The following ATXN10 variants were observed in gnomAD, a reference collection of about 807,000 sequenced individuals.
The protein encoded by ATXN10 is ataxin 10.
Under a neutral mutation model 52.9 loss-of-function variants are expected in ATXN10, and 28 were observed. The observed-to-expected ratio is 0.53, with a 90% CI of 0.39 to 0.73. The LOEUF is 0.73. ATXN10 is among the 30% of genes least tolerant of loss of function. The pLI is 0.00. For missense variants in ATXN10, 565 were observed against 577.0 expected (o/e 0.98, Z 0.21); for synonymous variants, 226 against 221.5 (o/e 1.02, Z -0.18).
At position 45,826,378 on chromosome 22, in the gene ATXN10, ATC is replaced by A. The variant is rs1363343088; in HGVS notation, c.1238-16611_1238-16610del. On this transcript the variant is annotated intron_variant, in intron 10 of 11. Coordinates refer to ENST00000252934, the MANE Select transcript of ATXN10 (RefSeq NM_013236.4). This position sits in a 1 kb window ranked among gnomAD's most constrained non-coding sequence, Gnocchi z 5.0. Reference sequence around the variant, plus strand: ...AAAAAGAGAAAAGGGCAGAGAGAATATCTGAAGAAATAAGGACTGAAAATTTT... The same window carrying A: ...AAAAAGAGAAAAGGGCAGAGAGAATATGAAGAAATAAGGACTGAAAATTTT... 6.6e-6 allele frequency among the ~76,000 whole-genome samples: 1 copy of A among 152,232 alleles called. No individual in the cohort carries two copies. Among genetic ancestry groups the A allele is most frequent in the Non-Finnish European group, 1.5e-5 (1 of 68,040 alleles).
At chr22:45,791,829 T>C (rs1927523108) in intron 9 of ATXN10, among the ~76,000 whole-genome samples, 1 of 152,226 alleles carries the variant, frequency 6.6e-6, no homozygotes, top group South Asian at 2.1e-4. Context: ...ATTTTTCTGT[T>C]GTTTTGGAAC....
chr22:45,816,607 A>G lies in ATXN10; in HGVS notation c.1237+9585A>G, dbSNP rs563142801. Among the ~76,000 whole-genome samples the G allele has an allele frequency of 4.4e-4, 67 of 152,306 alleles. No homozygotes were observed. The highest frequency in any genetic ancestry group is 8.5e-4 in the Non-Finnish European group (58 of 68,012). On this transcript the variant is annotated intron_variant, in intron 10 of 11. Transcript: ENST00000252934. This position sits in a 1 kb window ranked among gnomAD's most constrained non-coding sequence, Gnocchi z 5.8. ...TTCCTGTACCCTGAGTGCATTCCCAACATTGGACCCTGTGAACCCAGGGGA... is the reference window on the plus strand; with the variant it reads ...TTCCTGTACCCTGAGTGCATTCCCAGCATTGGACCCTGTGAACCCAGGGGA...
chr22:45,701,639 T>C lies in ATXN10; in HGVS notation c.489-1050T>C, dbSNP rs1923848016. 6.6e-6 allele frequency among the ~76,000 whole-genome samples: 1 copy of C among 152,208 alleles called. No individual in the cohort carries two copies. The highest frequency in any genetic ancestry group is 1.9e-4 in the East Asian group (1 of 5,204). ...TGAGAATTCATTCCCTTAAAACGTT[T>C]TGGATACCTAATATCTGCCAGGTTT... On this transcript the variant is annotated intron_variant, in intron 4 of 11. Transcript: ENST00000252934. This position sits in a 1 kb window ranked among gnomAD's most constrained non-coding sequence, Gnocchi z 4.2.
intron 3 of ATXN10, among the ~76,000 whole-genome samples, chr22:45,695,324 C>CAA (rs1200143731): frequency 1.4e-4 from 11 of 78,124 alleles, no homozygotes; most frequent in African/African-American, 4.9e-4. Context: ...GACTCCACCT[C>CAA]AAAAAAAAAA....
chr22:45,721,804 A>G (rs1924662573), intron 6 of ATXN10, among the ~76,000 whole-genome samples: 1 of 152,098 alleles, frequency 6.6e-6, no homozygotes, highest in Non-Finnish European at 1.5e-5. Context: ...AGTTCCAGCT[A>G]CTCGGGAGGC....
At chr22:45,729,030 G>A (rs367891575) in intron 6 of ATXN10, among the ~76,000 whole-genome samples, 2 of 152,220 alleles carry the variant, frequency 1.3e-5, no homozygotes, top group African/African-American at 4.8e-5. Flanking sequence ...TGAGGATTAA[G>A]TGATACAATG....
In ATXN10 at chr22:45,763,482, C is replaced by T. The variant is rs1926471286; in HGVS notation, c.1173+22944C>T. ...TCTGTGCTTGCGCTCCTCTCCCCAG[C>T]CCCAGGTCTGCAGAGTGTGTGGCTG... On this transcript the variant is annotated intron_variant, in intron 9 of 11. Transcript: ENST00000252934. This position sits in a 1 kb window ranked among gnomAD's most constrained non-coding sequence, Gnocchi z 6.9. 6.6e-6 allele frequency among the ~76,000 whole-genome samples: 1 copy of T among 152,192 alleles called. No homozygotes were observed. Among genetic ancestry groups the T allele is most frequent in the Non-Finnish European group, 1.5e-5 (1 of 68,044 alleles).
chr22:45,672,088 G>C lies in ATXN10; in HGVS notation c.25G>C (p.Ala9Pro). Residue 9 changes from alanine to proline, a missense_variant, in exon 1 of 12, where the codon GCC becomes CCC. Transcript: ENST00000252934. MAAPRPPP[A>P]RLSGVMVPAP... is the part of the protein sequence containing the mutation. ...GATGGCGGCGCCCAGGCCGCCGCCT[G>C]CCAGGCTGTCGGGCGTCATGGTGCC... The C allele has an allele frequency of 6.5e-7, 1 of 1,538,452 alleles. No homozygotes were observed. The highest frequency in any genetic ancestry group is 8.7e-7 in the Non-Finnish European group (1 of 1,145,320).
chr22:45,843,292 C>T lies in ATXN10; in HGVS notation c.1425+114C>T, dbSNP rs142966405. The T allele has an allele frequency of 8.2e-7, 1 of 1,214,072 alleles. No individual in the cohort carries two copies. Among genetic ancestry groups the T allele is most frequent in the East Asian group, 2.4e-5 (1 of 40,990 alleles). 75.2% of individuals were successfully genotyped at this position (1,214,072 alleles called of 1,614,324 possible). On this transcript the variant is annotated intron_variant, in intron 11 of 11. Coordinates refer to ENST00000252934, the MANE Select transcript of ATXN10 (RefSeq NM_013236.4). The surrounding 1 kb of genome is among the most constrained non-coding windows in gnomAD (Gnocchi z 4.5). ...AAGAATATGGATGGGAGAATTGTGC[C>T]CTCTATAGTGGTTTACCGAGGAAAG... is the stretch of plus-strand genomic sequence containing the variant.
chr22:45,695,249 A>G (rs576425336), intron 3 of ATXN10, among the ~76,000 whole-genome samples: 267 of 148,970 alleles, frequency 1.8e-3, no homozygotes, highest in Middle Eastern at 7.3e-3. Context: ...GCATGCACCC[A>G]GGAGGCAGAG....
At chr22:45,800,152 G>A (rs1434115363) in intron 9 of ATXN10, among the ~76,000 whole-genome samples, 1 of 152,074 alleles carries the variant, frequency 6.6e-6, no homozygotes, top group East Asian at 1.9e-4. Context: ...AAAAGTCAAT[G>A]CTCTTTGAAA....
intron 7 of ATXN10, chr22:45,738,325 G>A (rs904663404): frequency 5.6e-6 from 1 of 177,582 alleles, no homozygotes; most frequent in African/African-American, 2.4e-5. Context: ...TATTTTATGG[G>A]ATATTTGTAT....
In ATXN10 at chr22:45,684,173, G is replaced by A. The variant is rs1385509998; in HGVS notation, c.117-5539G>A. On this transcript the variant is annotated intron_variant, in intron 1 of 11. Transcript: ENST00000252934. The surrounding 1 kb of genome is among the most constrained non-coding windows in gnomAD (Gnocchi z 4.1). Reference sequence around the variant, plus strand: ...TTTTGTAGAGATAGGGTCTTGCTATGTTAGGCAGGTCTTGAACTCTCCTGG... The same window carrying A: ...TTTTGTAGAGATAGGGTCTTGCTATATTAGGCAGGTCTTGAACTCTCCTGG... Among the ~76,000 whole-genome samples, 8 of 147,470 alleles carry A rather than the reference G, an allele frequency of 5.4e-5. No homozygotes were observed. The highest frequency in any genetic ancestry group is 8.9e-5 in the Non-Finnish European group (6 of 67,256).
In ATXN10 at chr22:45,760,750, T is replaced by C. The variant is rs375494252; in HGVS notation, c.1173+20212T>C. Among the ~76,000 whole-genome samples the C allele has an allele frequency of 7.2e-5, 11 of 152,240 alleles. No individual in the cohort carries two copies. The South Asian group carries it at 1.9e-3, about 26-fold the overall frequency. On this transcript the variant is annotated intron_variant, in intron 9 of 11. Transcript: ENST00000252934. ...TGAGGGCCAGAATGGTTCAGTAGTGTACCCAAGGCCACACAGCTGTTAAGT... is the reference window on the plus strand; with the variant it reads ...TGAGGGCCAGAATGGTTCAGTAGTGCACCCAAGGCCACACAGCTGTTAAGT...
In ATXN10 at chr22:45,843,240, C is replaced by T. The variant is rs1929407262; in HGVS notation, c.1425+62C>T. ...TTGTAGAAAGCTGTTTCCACTTCCC[C>T]ATTGCTTCAAGCACGAGGCTCTTTG... is the stretch of plus-strand genomic sequence containing the variant. On this transcript the variant is annotated intron_variant, in intron 11 of 11. Coordinates refer to ENST00000252934, the MANE Select transcript of ATXN10 (RefSeq NM_013236.4). This position sits in a 1 kb window ranked among gnomAD's most constrained non-coding sequence, Gnocchi z 4.5. The T allele has an allele frequency of 1.9e-6, 3 of 1,546,912 alleles. No homozygotes were observed. In the Admixed American group the frequency reaches 5.0e-5, roughly 26 times the overall value.
In ATXN10 at chr22:45,844,895, A is replaced by G. The variant is rs1222938160; in HGVS notation, c.*1224A>G. Reference sequence around the variant, plus strand: ...GACATAGTTTAACTGATTTGTAAAAATAGCTTAAGCATGTTGAGAATGAAG... The same window carrying G: ...GACATAGTTTAACTGATTTGTAAAAGTAGCTTAAGCATGTTGAGAATGAAG... On this transcript the variant is annotated 3_prime_UTR_variant, in exon 12 of 12. Transcript: ENST00000252934. The G allele has an allele frequency of 2.0e-5, 3 of 152,250 alleles. No homozygotes were observed. The East Asian group carries it at 5.8e-4, about 29-fold the overall frequency. The allele number at this position is 152,250 out of a possible 1,614,324, so 9.4% of individuals were successfully genotyped here. A position where few individuals can be genotyped will look rare whatever the true frequency, so the allele number is the denominator to read the frequency against.
intron 6 of ATXN10, among the ~76,000 whole-genome samples, chr22:45,722,807 A>T (rs1025527454): frequency 2.0e-5 from 3 of 152,044 alleles, no homozygotes; most frequent in African/African-American, 7.2e-5. Context: ...CCCATTTGGG[A>T]TCTGCCCCTG....
At chr22:45,731,012 G>A (rs1460514601) in intron 7 of ATXN10, among the ~76,000 whole-genome samples, 1 of 152,168 alleles carries the variant, frequency 6.6e-6, no homozygotes, top group Admixed American at 6.5e-5. Flanking sequence ...GCCTACCTTA[G>A]ATCATTCAGG....
At position 45,790,138 on chromosome 22, in the gene ATXN10, T is replaced by C. The variant is rs1252987597; in HGVS notation, c.1174-16821T>C. On this transcript the variant is annotated intron_variant, in intron 9 of 11. Coordinates refer to ENST00000252934, the MANE Select transcript of ATXN10 (RefSeq NM_013236.4). This position sits in a 1 kb window ranked among gnomAD's most constrained non-coding sequence, Gnocchi z 4.7. ...AGTCCAATTCTCTTGCCCATGTGTG[T>C]TCAAATAAATTGAAATTCAAAATAT... Among the ~76,000 whole-genome samples, 1 of 152,222 alleles carries C rather than the reference T, an allele frequency of 6.6e-6. No homozygotes were observed. The highest frequency in any genetic ancestry group is 1.5e-5 in the Non-Finnish European group (1 of 68,038).
Sources: allele counts gnomAD v4.1 joint callset (sites outside exome capture counted in the v4.1 genomes callset), GRCh38; gene constraint gnomAD v4.1.1; non-coding constraint Gnocchi (gnomAD v3.1); transcripts MANE v1.5; gene names NCBI Gene and HGNC (gene_info 2026-07-23, HGNC 2026-07-21).